The following DIABLO variants were observed in gnomAD, a reference collection of about 807,000 sequenced individuals.
DIABLO encodes the protein diablo IAP-binding mitochondrial protein.
DIABLO carries 32 observed loss-of-function variants against 31.7 expected under a neutral mutation model. That is an observed-to-expected ratio of 1.01 (90% confidence interval 0.76 to 1.35). The LOEUF (loss-of-function observed/expected upper bound fraction) is 1.35, where lower values mean the gene tolerates loss of function less well. Ranked by LOEUF, DIABLO falls within the 40% of genes most tolerant of loss-of-function variation. The pLI, the probability that DIABLO is intolerant of heterozygous loss-of-function variation, is 0.00. For synonymous variants in DIABLO, 132 were observed against 103.2 expected (o/e 1.28, Z -1.69); for missense variants, 316 against 286.4 (o/e 1.10, Z -0.75).
At chr12:122,216,224 T>A (rs1954208656) in intron 5 of DIABLO, among the ~76,000 whole-genome samples, 1 of 152,230 alleles carries the variant, frequency 6.6e-6, no homozygotes, top group Admixed American at 6.5e-5. Flanking sequence ...AATCCAATTT[T>A]CCAATGGTAA....
chr12:122,225,319 A>G (rs1388504173), intron 1 of DIABLO: 1 of 822,920 alleles, frequency 1.2e-6, no homozygotes, highest in Non-Finnish European at 1.5e-6. Context: ...GCCGGGAGGC[A>G]CAGGTTGCAG....
chr12:122,216,964 C>T (rs1233810829), intron 3 of DIABLO, 95 bp from the exon 4 acceptor site: 2 of 1,039,302 alleles, frequency 1.9e-6, no homozygotes, highest in South Asian at 1.3e-5. Flanking sequence ...AGTCCCATTA[C>T]AGCAAACTGG....
At chr12:122,219,540 A>G (rs1258967755) in intron 2 of DIABLO, among the ~76,000 whole-genome samples, 1 of 152,012 alleles carries the variant, frequency 6.6e-6, no homozygotes, top group Non-Finnish European at 1.5e-5. Flanking sequence ...AGGCTTCACA[A>G]GTTTGATGAG....
rs370435244 is a variant in DIABLO, at chr12:122,218,414, T to C, written c.184-17A>G. The C allele has an allele frequency of 3.7e-5, 59 of 1,613,840 alleles. No homozygotes were observed. Among genetic ancestry groups the C allele is most frequent in the Non-Finnish European group, 4.5e-5 (53 of 1,180,006 alleles). The stretch of plus-strand genomic sequence containing the variant: ...CTCTGATTTCTGAAAGACACAAACA[T>C]TGTCACTCAACCTCTAAAGCTCAAA... On this transcript the variant is annotated splice_polypyrimidine_tract_variant and intron_variant, in intron 2 of 5. Transcript: ENST00000464942.
chr12:122,211,039 A>T (rs372251836), intron 5 of DIABLO, among the ~76,000 whole-genome samples: 241 of 136,828 alleles, frequency 1.8e-3, no homozygotes, highest in African/African-American at 6.1e-3. Context: ...TGTCTCTCTC[A>T]CACACACAAA....
At chr12:122,209,508 CAAA>C (rs1158142920) in intron 5 of DIABLO, among the ~76,000 whole-genome samples, 3 of 152,018 alleles carry the variant, frequency 2.0e-5, no homozygotes, top group Non-Finnish European at 4.4e-5. Context: ...TACTAAAATA[CAAA>C]AAAAGTAGCT....
chr12:122,226,034 A>T lies in DIABLO; in HGVS notation c.-20T>A, dbSNP rs749503981. 1.9e-5 allele frequency: 30 copies of T among 1,598,952 alleles called. No individual in the cohort carries two copies. Among genetic ancestry groups the T allele is most frequent in the Non-Finnish European group, 2.6e-5 (30 of 1,174,446 alleles). On this transcript the variant is annotated 5_prime_UTR_variant, in exon 1 of 6. Coordinates refer to ENST00000464942, the MANE Select transcript of DIABLO (RefSeq NM_001371333.1). ...CGCCATTGTGCAGCGCGCGGACGCC[A>T]GACGCACACGCCGGAAGTGACGCAG...
intron 1 of DIABLO, 184 bp downstream of exon 1, chr12:122,225,781 C>T (rs1041511316): frequency 6.9e-7 from 1 of 1,450,526 alleles, no homozygotes. Flanking sequence ...GGAAGCCGGG[C>T]TTGACCCAGG....
At chr12:122,226,064 G>A (rs747943791), upstream of DIABLO, 5 of 1,576,110 alleles carry the variant, frequency 3.2e-6, no homozygotes, top group African/African-American at 1.3e-5. Flanking sequence ...ACGCAGCTTC[G>A]TGAGCGCGGA....
At chr12:122,216,982 A>T (rs1274403835) in intron 3 of DIABLO, 113 bp from the exon 4 acceptor site, 3 of 824,976 alleles carry the variant, frequency 3.6e-6, no homozygotes, top group Non-Finnish European at 6.1e-6. Context: ...TGGCTCTTCC[A>T]TCCTGCTGCC....
At chr12:122,211,076 G>GAAAAAAA (rs1954076243) in intron 5 of DIABLO, among the ~76,000 whole-genome samples, 1 of 3,266 alleles carries the variant, frequency 3.1e-4, no homozygotes, top group Non-Finnish European at 7.7e-4. Flanking sequence ...TTAGTTAAAA[G>GAAAAAAA]TAAAAAAAAA....
At chr12:122,226,549 T>A (rs1358623447), upstream of DIABLO, 1 of 698,276 alleles carries the variant, frequency 1.4e-6, no homozygotes, top group Admixed American at 2.0e-5. Flanking sequence ...ACGTGGACGG[T>A]GGACGAGGCC....
In DIABLO at chr12:122,208,235, G is replaced by C. The variant is rs752890855; in HGVS notation, c.*146C>G. 1.5e-5 allele frequency: 14 copies of C among 930,576 alleles called. No individual in the cohort carries two copies. The highest frequency in any genetic ancestry group is 3.1e-4 in the Middle Eastern group (1 of 3,214). 57.6% of individuals were successfully genotyped at this position (930,576 alleles called of 1,614,324 possible). A position where few individuals can be genotyped will look rare whatever the true frequency, so the allele number is the denominator to read the frequency against. On this transcript the variant is annotated 3_prime_UTR_variant, in exon 6 of 6. Coordinates refer to ENST00000464942, the MANE Select transcript of DIABLO (RefSeq NM_001371333.1). ...CCTGAGACCACAGGAGGCACTCACA[G>C]CTCACAAAGGCGTCTCGCCTGATTG...
intron 3 of DIABLO, 133 bp downstream of exon 3, chr12:122,218,133 T>C (rs565860146): frequency 2.2e-5 from 24 of 1,113,720 alleles, no homozygotes; most frequent in Middle Eastern, 2.8e-4. Flanking sequence ...AAAACCGTTA[T>C]TGACAACACA....
At chr12:122,210,458 C>T (rs1954058239) in intron 5 of DIABLO, among the ~76,000 whole-genome samples, 1 of 150,188 alleles carries the variant, frequency 6.7e-6, no homozygotes. Context: ...CTGTAAGCTC[C>T]ACCTCCCGGG....
In DIABLO at chr12:122,208,363, G is replaced by T; in HGVS notation, c.*18C>A. 1 of 1,610,978 alleles carries T rather than the reference G, an allele frequency of 6.2e-7. No individual in the cohort carries two copies. The highest frequency in any genetic ancestry group is 1.3e-5 in the African/African-American group (1 of 74,986). On this transcript the variant is annotated 3_prime_UTR_variant, in exon 6 of 6. Coordinates refer to ENST00000464942, the MANE Select transcript of DIABLO (RefSeq NM_001371333.1). ...CTTTCCCCACTGAGTGGGGAGACAG[G>T]GCAGTGTGCTCAGGCCCTCAATCCT...
intron 5 of DIABLO, among the ~76,000 whole-genome samples, chr12:122,213,183 G>A (rs1252302131): frequency 6.6e-6 from 1 of 150,896 alleles, no homozygotes; most frequent in Non-Finnish European, 1.5e-5. Context: ...CGAAGTGCTG[G>A]GATTACAACA....
At position 122,208,544 on chromosome 12, in the gene DIABLO, T is replaced by A. The variant is rs1297175168; in HGVS notation, c.557A>T (p.His186Leu). 6.2e-7 allele frequency: 1 copy of A among 1,613,876 alleles called. No homozygotes were observed. Among genetic ancestry groups the A allele is most frequent in the Non-Finnish European group, 8.5e-7 (1 of 1,180,032 alleles). ...CACCTGCAGTTTCACCAGCTGAATG[T>A]GATTCCTGGCGGTTATAGAGGCCTG... Reference protein sequence around the residue: ...ADQASITARNHIQLVKLQVEE... With the variant: ...ADQASITARNLIQLVKLQVEE... Residue 186 changes from histidine to leucine, a missense_variant, in exon 6 of 6, where the codon CAC (histidine) becomes CTC (leucine). Coordinates refer to ENST00000464942, the MANE Select transcript of DIABLO (RefSeq NM_001371333.1).
intron 2 of DIABLO, chr12:122,222,451 A>C (rs534062699): frequency 6.6e-6 from 1 of 152,278 alleles, no homozygotes; most frequent in Admixed American, 6.5e-5. Context: ...AAATACAAAA[A>C]AATTAGCAGG....
Sources: allele counts gnomAD v4.1 joint callset (sites outside exome capture counted in the v4.1 genomes callset), GRCh38; gene constraint gnomAD v4.1.1; transcripts MANE v1.5; gene names NCBI Gene and HGNC (gene_info 2026-07-23, HGNC 2026-07-21).